The following PCYT1A variants were observed in gnomAD, a reference collection of about 807,000 sequenced individuals.
The protein encoded by PCYT1A is choline-phosphate cytidylyltransferase A.
Under a neutral mutation model 43.7 loss-of-function variants are expected in PCYT1A, and 25 were observed. The ratio of observed to expected loss-of-function variants is 0.57; its 90% CI spans 0.42 to 0.80. The LOEUF is 0.80. PCYT1A is among the 30% of genes least tolerant of loss of function. The pLI, the probability that PCYT1A is intolerant of heterozygous loss-of-function variation, is 0.00. For missense variants in PCYT1A, 421 were observed against 474.2 expected, an observed-to-expected ratio of 0.89 and a Z score of 1.04; for synonymous variants, 172 against 170.7, an observed-to-expected ratio of 1.01 and a Z score of -0.06.
chr3:196,271,187 G>GT (rs201408512), intron 1 of PCYT1A, among the ~76,000 whole-genome samples: 366 of 129,944 alleles, frequency 2.8e-3, no homozygotes, highest in African/African-American at 9.4e-3. Context: ...ACCACACCTA[G>GT]TTATTTTTTT....
In PCYT1A at chr3:196,238,320, T is replaced by A. The variant is rs148743098; in HGVS notation, c.*368A>T. The stretch of plus-strand genomic sequence containing the variant: ...TCTGCGTATTACACTACCTCCTTCT[T>A]CTGCCCACTCCTCAGGGGCAAAAAA... On this transcript the variant is annotated 3_prime_UTR_variant, in exon 9 of 9. Transcript: ENST00000431016. 3.5e-4 allele frequency: 58 copies of A among 164,346 alleles called. No individual in the cohort carries two copies. The highest frequency in any genetic ancestry group is 1.4e-3 in the African/African-American group (57 of 42,046). 10.2% of individuals were successfully genotyped at this position (164,346 alleles called of 1,614,324 possible).
chr3:196,276,610 G>GAA (rs761733640), intron 1 of PCYT1A, among the ~76,000 whole-genome samples: 1 of 99,594 alleles, frequency 1.0e-5, no homozygotes, highest in Non-Finnish European at 2.2e-5. Context: ...CTCAAAAAAT[G>GAA]AAAAAAAAAA....
In PCYT1A at chr3:196,277,960, G is replaced by A. The variant is rs892797341; in HGVS notation, c.-10-7419C>T. On this transcript the variant is annotated intron_variant, in intron 1 of 8. Coordinates refer to ENST00000431016, the MANE Select transcript of PCYT1A (RefSeq NM_001312673.2). The surrounding 1 kb of genome is among the most constrained non-coding windows in gnomAD (Gnocchi z 4.1). ...CCCGGCCTTCTTATGCCATCCCAAT[G>A]TTCTCTCACATCTACTAACTTATAA... Among the ~76,000 whole-genome samples the A allele has an allele frequency of 1.1e-4, 16 of 152,012 alleles. No individual in the cohort carries two copies. Among genetic ancestry groups the A allele is most frequent in the African/African-American group, 3.4e-4 (14 of 41,376 alleles).
intron 5 of PCYT1A, among the ~76,000 whole-genome samples, chr3:196,245,565 C>T (rs1372839670): frequency 3.3e-5 from 5 of 152,180 alleles, no homozygotes. Flanking sequence ...CAGCCTTTTG[C>T]TGATAATTAC....
chr3:196,242,013 C>T lies in PCYT1A; in HGVS notation c.643G>A (p.Val215Met). ...CTCTGCAGGTTCCGCCTCGCATACA[C>T]ATCATAATCCCGCACAATTCGGGTG... is the stretch of plus-strand genomic sequence containing the variant. Reference protein sequence around the residue: ...IITRIVRDYDVYARRNLQRGY... With the variant: ...IITRIVRDYDMYARRNLQRGY... The change falls in exon 7 of 9, where the codon GTG becomes ATG. Residue 215 changes from valine to methionine, a missense_variant. Transcript: ENST00000431016. The surrounding 1 kb of genome is among the most constrained non-coding windows in gnomAD (Gnocchi z 4.2). 1 of 1,614,192 alleles carries T rather than the reference C, an allele frequency of 6.2e-7. No individual in the cohort carries two copies. The highest frequency in any genetic ancestry group is 8.5e-7 in the Non-Finnish European group (1 of 1,180,036).
intron 1 of PCYT1A, among the ~76,000 whole-genome samples, chr3:196,280,479 C>T: frequency 6.6e-6 from 1 of 151,792 alleles, no homozygotes; most frequent in East Asian, 1.9e-4. Context: ...CTTACAACAC[C>T]TAATACAATG....
chr3:196,248,371 C>CATTTTT, intron 3 of PCYT1A, 48 bp from the exon 4 acceptor site: 1 of 1,173,692 alleles, frequency 8.5e-7, no homozygotes, highest in Non-Finnish European at 1.3e-6. Context: ...TTTTTTTTGT[C>CATTTTT]ATTTTTATTT....
intron 1 of PCYT1A, among the ~76,000 whole-genome samples, chr3:196,272,755 T>C (rs1340061965): frequency 6.6e-6 from 1 of 152,216 alleles, no homozygotes; most frequent in Non-Finnish European, 1.5e-5. Flanking sequence ...TATTATTGTC[T>C]CATTTAGCAG....
intron 2 of PCYT1A, among the ~76,000 whole-genome samples, chr3:196,261,521 G>C (rs575276728): frequency 6.6e-6 from 1 of 152,246 alleles, no homozygotes; most frequent in Admixed American, 6.5e-5. Flanking sequence ...CAGGCGCAGT[G>C]GTGGGCGCCT....
At chr3:196,284,284 A>G (rs187390186) in intron 1 of PCYT1A, among the ~76,000 whole-genome samples, 105 of 152,354 alleles carry the variant, frequency 6.9e-4, no homozygotes, top group Admixed American at 6.9e-3. Flanking sequence ...ATCAGCACTT[A>G]TAACATCTCT....
chr3:196,276,052 G>A (rs1232673949), intron 1 of PCYT1A, among the ~76,000 whole-genome samples: 2 of 150,742 alleles, frequency 1.3e-5, no homozygotes, highest in East Asian at 1.9e-4. Context: ...AGCCGAGATC[G>A]TGCCACTGCA....
chr3:196,280,573 T>TTC (rs1553837260), intron 1 of PCYT1A, among the ~76,000 whole-genome samples: 1 of 144,930 alleles, frequency 6.9e-6, no homozygotes, highest in African/African-American at 2.6e-5. Flanking sequence ...TTTTATTGTT[T>TTC]TTTTTTTTTT....
rs543727718 is a variant in PCYT1A, at chr3:196,237,467, G to T, written c.*1221C>A. On this transcript the variant is annotated 3_prime_UTR_variant, in exon 9 of 9. Transcript: ENST00000431016. Reference sequence around the variant, plus strand: ...CCTACCACACTCTTGTCACGTGAGGGTATGCTCTGTGGCTTGCTGGAGGAG... The same window carrying T: ...CCTACCACACTCTTGTCACGTGAGGTTATGCTCTGTGGCTTGCTGGAGGAG... The T allele has an allele frequency of 6.6e-6, 1 of 152,378 alleles. No individual in the cohort carries two copies. The highest frequency in any genetic ancestry group is 6.5e-5 in the Admixed American group (1 of 15,302). 9.4% of individuals were successfully genotyped at this position (152,378 alleles called of 1,614,324 possible).
intron 7 of PCYT1A, 198 bp downstream of exon 7, chr3:196,241,750 T>A (rs1317865373): frequency 8.8e-6 from 11 of 1,251,172 alleles, no homozygotes; most frequent in African/African-American, 1.5e-5. Context: ...TTTATACGAA[T>A]GTGTTGGTAC....
At chr3:196,241,444 TC>T (rs1324457063) in intron 7 of PCYT1A, 17 of 1,185,762 alleles carry the variant, frequency 1.4e-5, no homozygotes, top group Non-Finnish European at 1.9e-5. Flanking sequence ...CGCCTCAGCC[TC>T]CCAAAGTACA....
intron 3 of PCYT1A, among the ~76,000 whole-genome samples, chr3:196,251,921 A>AT (rs1363123008): frequency 2.0e-5 from 3 of 152,048 alleles, no homozygotes; most frequent in Non-Finnish European, 2.9e-5. Flanking sequence ...ACTTGATTTG[A>AT]TTTTTTGAGA....
chr3:196,248,352 A>C, intron 3 of PCYT1A, 29 bp from the exon 4 acceptor site: 1 of 1,284,128 alleles, frequency 7.8e-7, no homozygotes, highest in Non-Finnish European at 1.1e-6. Context: ...ATTGATCACA[A>C]AAATACCTTT....
At chr3:196,274,238 A>G (rs1725523284) in intron 1 of PCYT1A, among the ~76,000 whole-genome samples, 1 of 152,224 alleles carries the variant, frequency 6.6e-6, no homozygotes, top group South Asian at 2.1e-4. Context: ...CCAAAAGCAC[A>G]GGGAAGCCCG....
chr3:196,262,416 C>G (rs770515286), intron 2 of PCYT1A, among the ~76,000 whole-genome samples: 3 of 152,202 alleles, frequency 2.0e-5, no homozygotes, highest in Non-Finnish European at 4.4e-5. Flanking sequence ...AGGCACTCGA[C>G]GAATTTGTCG....
Sources: gnomAD v4.1 joint callset for allele counts (sites outside exome capture counted in the v4.1 genomes callset) on GRCh38, gnomAD v4.1.1 for gene constraint, Gnocchi (gnomAD v3.1) non-coding constraint, MANE v1.5 for transcripts, NCBI Gene and HGNC (gene_info 2026-07-23, HGNC 2026-07-21) for gene names.